Variants in NFIA observed in about 807,000 individuals in gnomAD.
The protein encoded by NFIA is nuclear factor I A, also known as nuclear factor 1 A-type.
A neutral mutation model predicts 62.8 loss-of-function variants in NFIA; 8 were observed. The ratio of observed to expected loss-of-function variants is 0.13; its 90% confidence interval spans 0.07 to 0.23. NFIA has a LOEUF of 0.23. NFIA is among the 10% of genes least tolerant of loss of function. The pLI, the probability that NFIA is intolerant of heterozygous loss-of-function variation, is 1.00. For synonymous variants in NFIA, 235 were observed against 238.1 expected (o/e 0.99, Z 0.12); for missense variants, 410 against 642.1 (o/e 0.64, Z 3.91).
intron 2 of NFIA, among the ~76,000 whole-genome samples, chr1:61,134,633 G>A (rs1403095189): frequency 6.6e-6 from 1 of 152,092 alleles, no homozygotes; most frequent in African/African-American, 2.4e-5. Flanking sequence ...TGTTATTATG[G>A]TGGATTGATA....
At chr1:61,170,741 G>A (rs1257821523) in intron 2 of NFIA, among the ~76,000 whole-genome samples, 1 of 152,210 alleles carries the variant, frequency 6.6e-6, no homozygotes, top group African/African-American at 2.4e-5. Flanking sequence ...TTAGAAGAGG[G>A]TCTGAACTGA....
intron 9 of NFIA, among the ~76,000 whole-genome samples, chr1:61,411,350 T>C (rs1666093861): frequency 1.3e-5 from 2 of 152,134 alleles, no homozygotes; most frequent in Non-Finnish European, 2.9e-5. Context: ...AGAATAATTT[T>C]TATAATCTTG....
At chr1:61,127,025 G>A (rs899182922) in intron 2 of NFIA, among the ~76,000 whole-genome samples, 1 of 151,226 alleles carries the variant, frequency 6.6e-6, no homozygotes, top group African/African-American at 2.4e-5. Context: ...CCTGACCTCA[G>A]GCAGTCTGCC....
At chr1:61,217,875 C>T (rs914528582) in intron 2 of NFIA, among the ~76,000 whole-genome samples, 3 of 152,218 alleles carry the variant, frequency 2.0e-5, no homozygotes, top group Non-Finnish European at 4.4e-5. Context: ...TTATTATCCA[C>T]TAACCTCAAT....
intron 2 of NFIA, among the ~76,000 whole-genome samples, chr1:61,233,128 C>T (rs1221607557): frequency 1.3e-5 from 2 of 152,168 alleles, no homozygotes; most frequent in African/African-American, 2.4e-5. Context: ...TTGCCTTTCA[C>T]AGACATTGAT....
At chr1:61,353,129 C>T (rs1460820334) in intron 5 of NFIA, among the ~76,000 whole-genome samples, 3 of 152,006 alleles carry the variant, frequency 2.0e-5, no homozygotes, top group African/African-American at 7.2e-5. Context: ...CTTTTCCCAC[C>T]GAGCCCCCAA....
chr1:61,135,398 A>G (rs1218858174), intron 2 of NFIA, among the ~76,000 whole-genome samples: 1 of 151,960 alleles, frequency 6.6e-6, no homozygotes, highest in African/African-American at 2.4e-5. Flanking sequence ...CTAACTGTTG[A>G]TTGTTGAACT....
At chr1:61,187,550 C>G (rs957495267) in intron 2 of NFIA, among the ~76,000 whole-genome samples, 2 of 152,188 alleles carry the variant, frequency 1.3e-5, no homozygotes, top group Non-Finnish European at 2.9e-5. Flanking sequence ...AATATTGCCA[C>G]CCACTCCCTC....
At chr1:61,320,677 T>C (rs1293090737) in intron 3 of NFIA, among the ~76,000 whole-genome samples, 2 of 152,162 alleles carry the variant, frequency 1.3e-5, no homozygotes, top group Admixed American at 1.3e-4. Flanking sequence ...CTACTTTCAT[T>C]ATCATTGCAT....
Position 61,223,360 on chromosome 1 carries a change from T to A in NFIA, c.560-54160T>A, listed in dbSNP as rs190976681. Among the ~76,000 whole-genome samples, 315 of 152,088 alleles carry A rather than the reference T, an allele frequency of 2.1e-3. 1 individual carries two copies. The highest frequency in any genetic ancestry group is 2.7e-3 in the South Asian group (13 of 4,824). On this transcript the variant is annotated intron_variant, in intron 2 of 10. Coordinates refer to ENST00000403491, the MANE Select transcript of NFIA (RefSeq NM_001134673.4). Reference sequence around the variant, plus strand: ...CAAGCATATTCTTGTGTCATTTTTTTAAAAAAAGTAGCTTTAATGAAAGGT... The same window carrying A: ...CAAGCATATTCTTGTGTCATTTTTTAAAAAAAAGTAGCTTTAATGAAAGGT...
intron 9 of NFIA, among the ~76,000 whole-genome samples, chr1:61,422,743 A>AT (rs1418514728): frequency 0.013 from 1,272 of 96,092 alleles, 15 homozygotes; most frequent in African/African-American, 0.066. Context: ...CCCCGTCTCT[A>AT]TTTAAAAAAA....
intron 2 of NFIA, among the ~76,000 whole-genome samples, chr1:61,112,435 A>C (rs1007306428): frequency 1.3e-5 from 2 of 152,192 alleles, no homozygotes; most frequent in Non-Finnish European, 2.9e-5. Context: ...GTGTGCATGC[A>C]TGTAGATAAG....
intron 3 of NFIA, among the ~76,000 whole-genome samples, chr1:61,290,115 T>C (rs903286662): frequency 1.3e-5 from 2 of 151,912 alleles, no homozygotes; most frequent in Admixed American, 6.6e-5. Flanking sequence ...TCAAGTATTA[T>C]GAGTATATGG....
intron 2 of NFIA, among the ~76,000 whole-genome samples, chr1:61,094,050 T>C (rs1477830521): frequency 6.6e-6 from 1 of 152,208 alleles, no homozygotes; most frequent in Non-Finnish European, 1.5e-5. Flanking sequence ...AATGTCAATA[T>C]AGATTTTTGA....
At chr1:61,259,078 G>C (rs1170365869) in intron 2 of NFIA, among the ~76,000 whole-genome samples, 1 of 152,134 alleles carries the variant, frequency 6.6e-6, no homozygotes, top group Non-Finnish European at 1.5e-5. Context: ...TGTGAAAACT[G>C]TCTATCCACT....
intron 3 of NFIA, among the ~76,000 whole-genome samples, chr1:61,329,531 C>T (rs991535641): frequency 5.8e-4 from 88 of 151,798 alleles, no homozygotes; most frequent in African/African-American, 1.9e-3. Context: ...TACAGGCGCT[C>T]GCCACCATGC....
intron 10 of NFIA, among the ~76,000 whole-genome samples, chr1:61,451,820 AG>A (rs1392350770): frequency 1.3e-5 from 2 of 152,196 alleles, no homozygotes; most frequent in Non-Finnish European, 2.9e-5. Context: ...TGGATACAGT[AG>A]GGTAGATTAA....
chr1:61,379,726 A>G (rs1011991908), intron 6 of NFIA, among the ~76,000 whole-genome samples: 1 of 151,854 alleles, frequency 6.6e-6, no homozygotes, highest in Admixed American at 6.6e-5. Context: ...TTTAAAAATT[A>G]ATTTTTTGTA....
At chr1:61,311,458 C>G (rs1660113781) in intron 3 of NFIA, among the ~76,000 whole-genome samples, 1 of 152,108 alleles carries the variant, frequency 6.6e-6, no homozygotes, top group Non-Finnish European at 1.5e-5. Context: ...GTCAAGGTTT[C>G]TCAGCCTCAG....
Sources: gnomAD v4.1 joint callset for allele counts (sites outside exome capture counted in the v4.1 genomes callset) on GRCh38, gnomAD v4.1.1 for gene constraint, MANE v1.5 for transcripts, NCBI Gene and HGNC (gene_info 2026-07-23, HGNC 2026-07-21) for gene names.